Variants in SLC23A1 observed in about 807,000 individuals in gnomAD.
SLC23A1 encodes solute carrier family 23 member 1.
In SLC23A1, 31 loss-of-function variants were observed where a neutral mutation model predicts 62.5. The ratio of observed to expected loss-of-function variants is 0.50; its 90% CI spans 0.37 to 0.67. The LOEUF (loss-of-function observed/expected upper bound fraction) is 0.67. Ranked by LOEUF, SLC23A1 falls within the 30% of genes least tolerant of loss-of-function variation. SLC23A1 has a pLI of 0.00. For missense variants in SLC23A1, 640 were observed against 782.7 expected (o/e 0.82, Z 2.18); for synonymous variants, 271 against 313.2 (o/e 0.87, Z 1.42).
chr5:139,374,056 G>C (rs974603622), intron 13 of SLC23A1, among the ~76,000 whole-genome samples: 1 of 152,134 alleles, frequency 6.6e-6, no homozygotes, highest in Admixed American at 6.6e-5. Context: ...AATAACTCCA[G>C]CCCGGCTTCC....
chr5:139,385,220 C>G (rs1323149887), upstream of SLC23A1, among the ~76,000 whole-genome samples: 3 of 152,210 alleles, frequency 2.0e-5, no homozygotes, highest in Non-Finnish European at 2.9e-5. Context: ...TGTTCTGTCT[C>G]TCTCCCAGGG....
rs1446082589 is a variant in SLC23A1, at chr5:139,372,084, TGAA to T, written c.1716_1718del (p.Ser575del). 10 of 1,613,076 alleles carry T rather than the reference TGAA, an allele frequency of 6.2e-6. No homozygotes were observed. The highest frequency in any genetic ancestry group is 8.5e-6 in the Non-Finnish European group (10 of 1,179,096). ...GAATTGCAATCTGATCTTTTGAACT[TGAA>T]GAAAATCCTTTGAAGACTGGGCAGA... On this transcript the variant is annotated inframe_deletion, in exon 14 of 15. Coordinates refer to ENST00000348729, the MANE Select transcript of SLC23A1 (RefSeq NM_005847.5).
intron 1 of SLC23A1, 120 bp from the exon 2 acceptor site, chr5:139,382,725 G>A (rs1245407458): frequency 5.5e-5 from 37 of 677,170 alleles, no homozygotes; most frequent in Middle Eastern, 3.2e-4. Flanking sequence ...CGGGGTTCCC[G>A]CCCTCCCCAA....
chr5:139,381,161 A>G (rs1758237753), intron 3 of SLC23A1, among the ~76,000 whole-genome samples: 1 of 152,160 alleles, frequency 6.6e-6, no homozygotes. Context: ...GGAAGTGGAC[A>G]CCTCAGTTCC....
chr5:139,371,735 G>T (rs113439330), intron 14 of SLC23A1, among the ~76,000 whole-genome samples: 17 of 152,228 alleles, frequency 1.1e-4, no homozygotes, highest in Admixed American at 3.9e-4. Context: ...GAAGGCTAGA[G>T]GATCTGCATT....
In SLC23A1 at chr5:139,371,081, C is replaced by CA. The variant is rs375143825; in HGVS notation, c.*19+905dup. Among the ~76,000 whole-genome samples the CA allele has an allele frequency of 2.5e-3, 375 of 149,518 alleles. 2 individuals carry two copies. The highest frequency in any genetic ancestry group is 8.1e-3 in the African/African-American group (329 of 40,770). Reference sequence around the variant, plus strand: ...TGGGCGACAGAGCAAGACTCTGTCTCAAAAAAAAAGGAAAAGGGAACTCTA... The same window carrying CA: ...TGGGCGACAGAGCAAGACTCTGTCTCAAAAAAAAAAGGAAAAGGGAACTCTA... On this transcript the variant is annotated intron_variant, in intron 14 of 14. Coordinates refer to ENST00000348729, the MANE Select transcript of SLC23A1 (RefSeq NM_005847.5).
intron 1 of SLC23A1, 41 bp from the exon 2 acceptor site, chr5:139,382,646 G>T: frequency 1.6e-6 from 2 of 1,250,844 alleles, no homozygotes; most frequent in South Asian, 1.2e-5. Context: ...TGAAGTGATG[G>T]GGACAGGCAA....
intron 14 of SLC23A1, 61 bp downstream of exon 14, chr5:139,371,926 T>G: frequency 7.3e-7 from 1 of 1,362,886 alleles, no homozygotes; most frequent in South Asian, 1.3e-5. Context: ...TTTTCTTTGG[T>G]TAAAGCATAA....
intron 14 of SLC23A1, among the ~76,000 whole-genome samples, chr5:139,368,444 G>A (rs774488130): frequency 1.4e-4 from 21 of 152,178 alleles, no homozygotes; most frequent in Non-Finnish European, 2.6e-4. Context: ...CAGGAGAATC[G>A]CTTGAACCCA....
At chr5:139,382,418 C>G (rs757669293) in intron 2 of SLC23A1, 74 bp downstream of exon 2, 1 of 821,754 alleles carries the variant, frequency 1.2e-6, no homozygotes, top group African/African-American at 1.7e-5. Context: ...CAAGATACTC[C>G]CTGCTGGCCA....
At chr5:139,380,438 T>A in intron 5 of SLC23A1, 49 bp from the exon 6 acceptor site, 1 of 1,607,954 alleles carries the variant, frequency 6.2e-7, no homozygotes. Context: ...GGTCATGACC[T>A]GGCTGCTGCT....
Position 139,379,597 on chromosome 5 carries a change from C to A in SLC23A1, c.925+81G>T. The A allele has an allele frequency of 7.4e-7, 1 of 1,357,718 alleles. No homozygotes were observed. The highest frequency in any genetic ancestry group is 1.0e-6 in the Non-Finnish European group (1 of 967,268). 84.1% of individuals were successfully genotyped at this position (1,357,718 alleles called of 1,614,324 possible). A position where few individuals can be genotyped will look rare whatever the true frequency, so the allele number is the denominator to read the frequency against. On this transcript the variant is annotated intron_variant, in intron 8 of 14. Coordinates refer to ENST00000348729, the MANE Select transcript of SLC23A1 (RefSeq NM_005847.5). This position sits in a 1 kb window ranked among gnomAD's most constrained non-coding sequence, Gnocchi z 4.7. ...TGTGCGGCTAATGCTAGGTGTGTCACCTGCTGGATTGGGGTCACCAGGAGT... is the reference window on the plus strand; with the variant it reads ...TGTGCGGCTAATGCTAGGTGTGTCAACTGCTGGATTGGGGTCACCAGGAGT...
chr5:139,382,721 T>C, intron 1 of SLC23A1, 116 bp from the exon 2 acceptor site: 1 of 684,498 alleles, frequency 1.5e-6, no homozygotes, highest in Non-Finnish European at 2.6e-6. Context: ...AGAGCGGGGT[T>C]CCCGCCCTCC....
Position 139,378,632 on chromosome 5 carries a change from C to G in SLC23A1, c.1126G>C (p.Gly376Arg). 1 of 1,612,552 alleles carries G rather than the reference C, an allele frequency of 6.2e-7. No homozygotes were observed. The highest frequency in any genetic ancestry group is 8.5e-7 in the Non-Finnish European group (1 of 1,179,446). Residue 376 changes from glycine to arginine, a missense_variant, in exon 10 of 15, where the codon GGC becomes CGC. Physicochemically the swap from Gly to Arg is moderately radical, Grantham distance 125. Coordinates refer to ENST00000348729, the MANE Select transcript of SLC23A1 (RefSeq NM_005847.5). The surrounding 1 kb of genome is among the most constrained non-coding windows in gnomAD (Gnocchi z 4.5). ...GGACTGGACGAGGTGGACCCGTTGC[C>G]CGTGCCCAATAGCCCCGCGATGATG... ...CCIIAGLLGT[G>R]NGSTSSSPNI...
intron 2 of SLC23A1, 161 bp from the exon 3 acceptor site, chr5:139,382,210 C>T (rs150308883): frequency 2.1e-5 from 14 of 679,936 alleles, no homozygotes; most frequent in East Asian, 1.4e-4. Context: ...TACTGCTGAC[C>T]ACTCTGGGGG....
chr5:139,382,504 CAGGATGCACAGGTACCA>C lies in SLC23A1; in HGVS notation c.121_137del (p.Trp41AlafsTer22). 1 of 1,609,286 alleles carries C rather than the reference CAGGATGCACAGGTACCA, an allele frequency of 6.2e-7. No individual in the cohort carries two copies. Among genetic ancestry groups the C allele is most frequent in the Non-Finnish European group, 8.5e-7 (1 of 1,175,928 alleles). On this transcript the variant is annotated frameshift_variant, in exon 2 of 15. Transcript: ENST00000348729. LOFTEE classifies it high-confidence loss of function. Reference sequence around the variant, plus strand: ...CTGGGGGACCCACCTGGAAGCCCAGCAGGATGCACAGGTACCAAGGTGGCACGTCCTCGATCTTGTAC... The same window carrying C: ...CTGGGGGACCCACCTGGAAGCCCAGCAGGTGGCACGTCCTCGATCTTGTAC...
Position 139,378,137 on chromosome 5 carries a change from G to A in SLC23A1, c.1310-19C>T, listed in dbSNP as rs763327795. 3 of 1,614,090 alleles carry A rather than the reference G, an allele frequency of 1.9e-6. No individual in the cohort carries two copies. Among genetic ancestry groups the A allele is most frequent in the Admixed American group, 3.3e-5 (2 of 60,002 alleles). The stretch of plus-strand genomic sequence containing the variant: ...ATCATGCCTAAGGGCGCAAGAGAAC[G>A]GCTGGAGGCGCCGCACACGCGTAAT... On this transcript the variant is annotated intron_variant, in intron 11 of 14. Coordinates refer to ENST00000348729, the MANE Select transcript of SLC23A1 (RefSeq NM_005847.5). This position sits in a 1 kb window ranked among gnomAD's most constrained non-coding sequence, Gnocchi z 4.5.
chr5:139,370,902 C>T (rs543294175), intron 14 of SLC23A1, among the ~76,000 whole-genome samples: 1 of 151,994 alleles, frequency 6.6e-6, no homozygotes, highest in Admixed American at 6.6e-5. Flanking sequence ...ACCAGCCTGG[C>T]CAACATGGTG....
At chr5:139,380,770 C>CCAGTGCAGACCCCA (rs1382565074) in intron 4 of SLC23A1, 28 bp downstream of exon 4, 3 of 1,505,592 alleles carry the variant, frequency 2.0e-6, no homozygotes, top group Non-Finnish European at 2.7e-6. Context: ...CCCCTTTTCC[C>CCAGTGCAGACCCCA]CAGTGCAGAC....
Sources: allele counts gnomAD v4.1 joint callset (sites outside exome capture counted in the v4.1 genomes callset), GRCh38; gene constraint gnomAD v4.1.1; non-coding constraint Gnocchi (gnomAD v3.1); transcripts MANE v1.5; gene names NCBI Gene and HGNC (gene_info 2026-07-23, HGNC 2026-07-21).